The following SOX5 variants were observed in gnomAD, a reference collection of about 807,000 sequenced individuals.
SOX5 encodes SRY-box transcription factor 5, also known as transcription factor SOX-5.
In SOX5, 9 loss-of-function variants were observed where a neutral mutation model predicts 92.0. The observed-to-expected ratio is 0.10, with a 90% CI of 0.06 to 0.17. SOX5 has a LOEUF of 0.17. Ranked by LOEUF, SOX5 falls within the 10% of genes least tolerant of loss-of-function variation. SOX5 has a pLI of 1.00. For missense variants in SOX5, 642 were observed against 944.5 expected, an observed-to-expected ratio of 0.68 and a Z score of 4.20; for synonymous variants, 344 against 336.3, an observed-to-expected ratio of 1.02 and a Z score of -0.25.
chr12:24,413,006 C>T (rs936485874), intron 1 of SOX5, among the ~76,000 whole-genome samples: 7 of 152,122 alleles, frequency 4.6e-5, no homozygotes, highest in African/African-American at 1.4e-4. Flanking sequence ...CCACCCACCT[C>T]GGCCTCCCAA....
intron 4 of SOX5, among the ~76,000 whole-genome samples, chr12:24,171,156 T>TTTG (rs57129087): frequency 7.3e-6 from 1 of 136,150 alleles, no homozygotes; most frequent in Non-Finnish European, 1.6e-5. Flanking sequence ...TTTTTTTTTT[T>TTTG]GCTAACTTCT....
chr12:24,543,687 C>T (rs1952353144), intron 1 of SOX5, among the ~76,000 whole-genome samples: 1 of 151,858 alleles, frequency 6.6e-6, no homozygotes, highest in Non-Finnish European at 1.5e-5. Flanking sequence ...GACCCTGGCT[C>T]AAAAAAGTTT....
chr12:24,541,400 G>C (rs893475130), intron 1 of SOX5, among the ~76,000 whole-genome samples: 2 of 152,070 alleles, frequency 1.3e-5, no homozygotes, highest in African/African-American at 4.8e-5. Context: ...TCATTCTAAG[G>C]TTTTATTTCT....
At chr12:23,791,641 C>A (rs897153429) in intron 3 of SOX5, among the ~76,000 whole-genome samples, 1 of 152,046 alleles carries the variant, frequency 6.6e-6, no homozygotes, top group East Asian at 1.9e-4. Context: ...AAAGTTCAGA[C>A]CAATTAGACT....
chr12:24,357,389 C>T (rs1215004076), intron 2 of SOX5: 2 of 152,144 alleles, frequency 1.3e-5, no homozygotes, highest in Non-Finnish European at 2.9e-5. Flanking sequence ...AGGAGAATCA[C>T]GCATGTATCC....
intron 3 of SOX5, among the ~76,000 whole-genome samples, chr12:23,758,357 T>C (rs900881178): frequency 1.3e-5 from 2 of 150,482 alleles, no homozygotes; most frequent in African/African-American, 4.9e-5. Context: ...TTCCACAAAA[T>C]GTAATGGGCA....
intron 3 of SOX5, among the ~76,000 whole-genome samples, chr12:24,247,631 G>C (rs1397162492): frequency 1.4e-5 from 2 of 146,650 alleles, no homozygotes; most frequent in African/African-American, 5.1e-5. Flanking sequence ...AATGATCCCT[G>C]ATTTATTTAT....
chr12:24,253,564 G>C (rs533998997), intron 3 of SOX5, among the ~76,000 whole-genome samples: 4 of 152,200 alleles, frequency 2.6e-5, no homozygotes, highest in South Asian at 4.2e-4. Context: ...ATTTGTAAGA[G>C]GTGTGGGAAA....
At chr12:24,323,491 A>G (rs1356108907) in intron 2 of SOX5, among the ~76,000 whole-genome samples, 1 of 152,006 alleles carries the variant, frequency 6.6e-6, no homozygotes, top group Non-Finnish European at 1.5e-5. Context: ...GTCAAACAAA[A>G]AAAGCAGCTT....
chr12:24,167,571 A>G (rs1424020593), intron 4 of SOX5, among the ~76,000 whole-genome samples: 2 of 152,222 alleles, frequency 1.3e-5, no homozygotes, highest in Non-Finnish European at 2.9e-5. Context: ...GGACTCTGCC[A>G]CATTCTAAGA....
chr12:24,333,997 C>A (rs1190882236), intron 2 of SOX5, among the ~76,000 whole-genome samples: 2 of 151,562 alleles, frequency 1.3e-5, no homozygotes, highest in African/African-American at 4.8e-5. Flanking sequence ...CTTAATATAA[C>A]CCTGAAACAA....
intron 4 of SOX5, among the ~76,000 whole-genome samples, chr12:24,153,903 A>G (rs1198255827): frequency 4.6e-5 from 7 of 152,038 alleles, no homozygotes; most frequent in Non-Finnish European, 7.4e-5. Flanking sequence ...ACCCCACTCA[A>G]TACGTGTTTA....
chr12:24,092,616 C>G (rs906615418), intron 4 of SOX5, among the ~76,000 whole-genome samples: 1 of 152,170 alleles, frequency 6.6e-6, no homozygotes, highest in Non-Finnish European at 1.5e-5. Context: ...TTTACTAATA[C>G]TGATGCATCT....
At chr12:24,077,684 A>T (rs939042236) in intron 4 of SOX5, among the ~76,000 whole-genome samples, 2 of 151,274 alleles carry the variant, frequency 1.3e-5, no homozygotes, top group East Asian at 3.9e-4. Flanking sequence ...ACACAACTTC[A>T]AAAGTCCACA....
rs778404826 is a variant in SOX5 at position 23,895,744 on chromosome 12, A to G, written c.270+49T>C. ...ACTGAGGCCAAACTATTAGAGGAGT[A>G]GACTGGTCAAAAAGTGAGTGTAGGC... On this transcript the variant is annotated intron_variant, in intron 2 of 14. Coordinates refer to ENST00000451604, the MANE Select transcript of SOX5 (RefSeq NM_006940.6). 2.7e-5 allele frequency: 35 copies of G among 1,299,212 alleles called. 1 individual carries two copies. The South Asian group carries it at 4.2e-4, about 15-fold the overall frequency. The allele number at this position is 1,299,212 out of a possible 1,614,324, so 80.5% of individuals were successfully genotyped here.
chr12:23,551,506 C>T, intron 11 of SOX5, among the ~76,000 whole-genome samples: 1 of 151,862 alleles, frequency 6.6e-6, no homozygotes, highest in East Asian at 1.9e-4. Flanking sequence ...TGTGTGTGCA[C>T]ACACATACAC....
intron 11 of SOX5, among the ~76,000 whole-genome samples, chr12:23,558,378 AC>A (rs1389721237): frequency 2.6e-5 from 4 of 152,144 alleles, no homozygotes; most frequent in Admixed American, 6.5e-5. Context: ...GGAATGAAAT[AC>A]CCCCGTATGA....
At chr12:23,566,300 A>G (rs754460297) in intron 10 of SOX5, among the ~76,000 whole-genome samples, 2 of 152,194 alleles carry the variant, frequency 1.3e-5, no homozygotes, top group Non-Finnish European at 2.9e-5. Context: ...CAAGCTTCTC[A>G]AAGATACATT....
chr12:23,928,778 C>T (rs942968421), intron 1 of SOX5, among the ~76,000 whole-genome samples: 1 of 151,638 alleles, frequency 6.6e-6, no homozygotes, highest in African/African-American at 2.4e-5. Flanking sequence ...CTTTAAGCAT[C>T]TAAGGTCTTA....
Sources: gnomAD v4.1 joint callset for allele counts (sites outside exome capture counted in the v4.1 genomes callset) on GRCh38, gnomAD v4.1.1 for gene constraint, MANE v1.5 for transcripts, NCBI Gene and HGNC (gene_info 2026-07-23, HGNC 2026-07-21) for gene names.